The following ATF7 variants were observed in gnomAD, a reference collection of about 807,000 sequenced individuals.
The protein encoded by ATF7 is cyclic AMP-dependent transcription factor ATF-7.
A neutral mutation model predicts 50.4 loss-of-function variants in ATF7; 10 were observed. That is an observed-to-expected ratio of 0.20 (90% CI 0.12 to 0.34). ATF7 has a LOEUF of 0.34. Among genes scored for constraint, ATF7 ranks in the 10% least tolerant of loss-of-function variants. The pLI, the probability that ATF7 is intolerant of heterozygous loss-of-function variation, is 1.00. For synonymous variants in ATF7, 201 were observed against 226.4 expected, an observed-to-expected ratio of 0.89 and a Z score of 1.01; for missense variants, 465 against 613.9, an observed-to-expected ratio of 0.76 and a Z score of 2.56.
At chr12:53,613,042 A>G (rs1409849940) in intron 1 of ATF7, among the ~76,000 whole-genome samples, 1 of 152,162 alleles carries the variant, frequency 6.6e-6, no homozygotes, top group Non-Finnish European at 1.5e-5. Flanking sequence ...TGCATTTTTA[A>G]AAAATTTCCC....
At chr12:53,525,898 T>G (rs1186525051) in intron 9 of ATF7, among the ~76,000 whole-genome samples, 1 of 152,132 alleles carries the variant, frequency 6.6e-6, no homozygotes, top group Non-Finnish European at 1.5e-5. Flanking sequence ...TCCACTTACA[T>G]GCAGATTTAA....
Position 53,524,163 on chromosome 12 carries a change from T to C in ATF7, c.1125+401A>G, listed in dbSNP as rs1938294941. Among the ~76,000 whole-genome samples, 1 of 152,258 alleles carries C rather than the reference T, an allele frequency of 6.6e-6. No homozygotes were observed. Among genetic ancestry groups the C allele is most frequent in the South Asian group, 2.1e-4 (1 of 4,832 alleles). On this transcript the variant is annotated intron_variant, in intron 10 of 11. Coordinates refer to ENST00000420353, the MANE Select transcript of ATF7 (RefSeq NM_006856.3). This position sits in a 1 kb window ranked among gnomAD's most constrained non-coding sequence, Gnocchi z 4.6. ...AACATTCAAGAGAAGGTATGGATTA[T>C]AGATTATAATTATTCTATTTGTGCT...
intron 11 of ATF7, among the ~76,000 whole-genome samples, chr12:53,521,255 G>A (rs1938110268): frequency 6.6e-6 from 1 of 152,158 alleles, no homozygotes; most frequent in Admixed American, 6.5e-5. Context: ...GCCTCCCAAA[G>A]TGCTGGGATT....
intron 1 of ATF7, among the ~76,000 whole-genome samples, chr12:53,616,758 C>T (rs1383926301): frequency 6.6e-6 from 1 of 151,362 alleles, no homozygotes; most frequent in African/African-American, 2.4e-5. Context: ...GCCTGGGCAA[C>T]ACAGTGAAAC....
At chr12:53,587,840 TATA>T (rs200615996) in intron 2 of ATF7, among the ~76,000 whole-genome samples, 3,148 of 50,660 alleles carry the variant, frequency 0.062, 76 homozygotes, top group East Asian at 0.34. Flanking sequence ...TATATATATA[TATA>T]TTTTTTTTTT....
At chr12:53,525,479 T>C (rs1215867052) in intron 9 of ATF7, among the ~76,000 whole-genome samples, 1 of 152,208 alleles carries the variant, frequency 6.6e-6, no homozygotes, top group African/African-American at 2.4e-5. Context: ...TTTGGACAAG[T>C]GATATGTACA....
intron 4 of ATF7, among the ~76,000 whole-genome samples, chr12:53,539,755 G>A (rs1048822563): frequency 6.6e-6 from 1 of 151,452 alleles, no homozygotes; most frequent in Non-Finnish European, 1.5e-5. Context: ...AAAGACTGTG[G>A]CTAGTTCTGC....
chr12:53,526,315 CCCTCCTCCTCCT>C (rs376486763), intron 9 of ATF7, among the ~76,000 whole-genome samples: 5 of 150,364 alleles, frequency 3.3e-5, no homozygotes, highest in Non-Finnish European at 7.4e-5. Context: ...CAAGACCAAG[CCCTCCTCCTCCT>C]CCTCCTCCTC....
chr12:53,612,688 A>G (rs1335424193), intron 1 of ATF7, among the ~76,000 whole-genome samples: 2 of 152,164 alleles, frequency 1.3e-5, no homozygotes, highest in Non-Finnish European at 1.5e-5. Context: ...TAAAAGATCT[A>G]TTTAAACAGT....
At chr12:53,586,561 A>G (rs951411466) in intron 2 of ATF7, among the ~76,000 whole-genome samples, 7 of 152,192 alleles carry the variant, frequency 4.6e-5, no homozygotes, top group Admixed American at 1.3e-4. Flanking sequence ...AACTATGCCA[A>G]TGTAAGATTT....
At chr12:53,605,128 C>T (rs1292078909) in intron 1 of ATF7, among the ~76,000 whole-genome samples, 2 of 152,116 alleles carry the variant, frequency 1.3e-5, no homozygotes, top group Non-Finnish European at 2.9e-5. Flanking sequence ...GTGGTTCATG[C>T]CTGTAATCCC....
intron 3 of ATF7, among the ~76,000 whole-genome samples, chr12:53,547,909 C>T (rs558073865): frequency 6.6e-6 from 1 of 151,282 alleles, no homozygotes; most frequent in African/African-American, 2.4e-5. Flanking sequence ...CTCACTCTGT[C>T]GTCACCCAGG....
intron 1 of ATF7, among the ~76,000 whole-genome samples, chr12:53,604,188 A>C (rs959287141): frequency 2.0e-5 from 3 of 152,232 alleles, no homozygotes; most frequent in African/African-American, 7.2e-5. Context: ...TAGAACAGGG[A>C]AGACAAAGAT....
chr12:53,544,168 A>G (rs1939739911), intron 3 of ATF7, among the ~76,000 whole-genome samples: 1 of 152,228 alleles, frequency 6.6e-6, no homozygotes, highest in Admixed American at 6.5e-5. Flanking sequence ...ATATGCCCAC[A>G]GGGGCTGCAC....
chr12:53,519,291 A>G (rs1225547183), intron 11 of ATF7, among the ~76,000 whole-genome samples: 3 of 152,138 alleles, frequency 2.0e-5, no homozygotes, highest in Non-Finnish European at 4.4e-5. Context: ...CCTCATCCAC[A>G]GGTTTATATG....
chr12:53,598,412 G>A (rs1021337963), intron 2 of ATF7, among the ~76,000 whole-genome samples: 6 of 152,178 alleles, frequency 3.9e-5, no homozygotes, highest in Non-Finnish European at 4.4e-5. Flanking sequence ...AGGTAGCAAT[G>A]TTCCACACTC....
At chr12:53,601,523 T>G (rs1943403796) in intron 1 of ATF7, among the ~76,000 whole-genome samples, 1 of 152,250 alleles carries the variant, frequency 6.6e-6, no homozygotes, top group South Asian at 2.1e-4. Flanking sequence ...TCCCATATTA[T>G]TGCCAAAGAA....
rs1939013527 is a variant in ATF7 at position 53,533,263 on chromosome 12, G to C, written c.561-4C>G. 7 of 1,600,894 alleles carry C rather than the reference G, an allele frequency of 4.4e-6. No individual in the cohort carries two copies. The highest frequency in any genetic ancestry group is 6.0e-6 in the Non-Finnish European group (7 of 1,168,090). ...AGGGAGGGAGCCAGTGGGAGACCTAGAGGAGACATGAAGTGAAATGCTCAT... is the reference window on the plus strand; with the variant it reads ...AGGGAGGGAGCCAGTGGGAGACCTACAGGAGACATGAAGTGAAATGCTCAT... On this transcript the variant is annotated splice_polypyrimidine_tract_variant and splice_region_variant and intron_variant, in intron 6 of 11. Coordinates refer to ENST00000420353, the MANE Select transcript of ATF7 (RefSeq NM_006856.3).
Position 53,524,532 on chromosome 12 carries a change from A to G in ATF7, c.1125+32T>C, listed in dbSNP as rs1319644395. ...TTCCATCCCACTTTCTGGATTTTCA[A>G]CAATTCCAATAAGCATCCAGGACCC... On this transcript the variant is annotated intron_variant, in intron 10 of 11. Transcript: ENST00000420353. The surrounding 1 kb of genome is among the most constrained non-coding windows in gnomAD (Gnocchi z 4.6). The G allele has an allele frequency of 5.6e-6, 9 of 1,608,446 alleles. No homozygotes were observed. The highest frequency in any genetic ancestry group is 7.6e-6 in the Non-Finnish European group (9 of 1,178,210).
Sources: allele counts gnomAD v4.1 joint callset (sites outside exome capture counted in the v4.1 genomes callset), GRCh38; gene constraint gnomAD v4.1.1; non-coding constraint Gnocchi (gnomAD v3.1); transcripts MANE v1.5; gene names NCBI Gene and HGNC (gene_info 2026-07-23, HGNC 2026-07-21).